The following RBFOX1 variants were observed in gnomAD, a reference collection of about 807,000 sequenced individuals.
RBFOX1 encodes the protein RNA binding fox-1 homolog 1.
A neutral mutation model predicts 57.7 loss-of-function variants in RBFOX1; 8 were observed. The ratio of observed to expected loss-of-function variants is 0.14; its 90% CI spans 0.08 to 0.25. The LOEUF (loss-of-function observed/expected upper bound fraction) is 0.25, where lower values mean the gene tolerates loss of function less well. RBFOX1 is among the 10% of genes least tolerant of loss of function. The pLI, the probability that RBFOX1 is intolerant of heterozygous loss-of-function variation, is 1.00. For missense variants in RBFOX1, 611 were observed against 548.5 expected, an observed-to-expected ratio of 1.11 and a Z score of -1.14; for synonymous variants, 326 against 222.4, an observed-to-expected ratio of 1.47 and a Z score of -4.15.
intron 1 of RBFOX1, among the ~76,000 whole-genome samples, chr16:5,446,423 C>G (rs957962913): frequency 6.6e-6 from 1 of 151,798 alleles, no homozygotes; most frequent in Non-Finnish European, 1.5e-5. Flanking sequence ...TTTTTTTGTC[C>G]TCAGTTTATC....
intron 4 of RBFOX1, among the ~76,000 whole-genome samples, chr16:7,148,476 G>A (rs17669916): frequency 0.15 from 22,212 of 152,056 alleles, 1,713 homozygotes; most frequent in East Asian, 0.26. Flanking sequence ...TCTCAACTTC[G>A]GATCTTTTTC....
intron 4 of RBFOX1, among the ~76,000 whole-genome samples, chr16:7,287,867 G>A (rs570928063): frequency 3.9e-5 from 6 of 152,218 alleles, no homozygotes; most frequent in East Asian, 3.9e-4. Context: ...CACCCATTTC[G>A]TGTGCATTTT....
At chr16:6,506,758 G>T (rs1353001630) in intron 2 of RBFOX1, among the ~76,000 whole-genome samples, 1 of 146,936 alleles carries the variant, frequency 6.8e-6, no homozygotes, top group African/African-American at 2.5e-5. Context: ...GTGATTCTCA[G>T]GCCTTACCCT....
chr16:6,647,200 T>C (rs2154079390), intron 2 of RBFOX1, among the ~76,000 whole-genome samples: 1 of 152,162 alleles, frequency 6.6e-6, no homozygotes, highest in African/African-American at 2.4e-5. Flanking sequence ...AGAAAATGAG[T>C]GAGCTCTCTG....
At chr16:7,065,813 C>G (rs920253891) in intron 4 of RBFOX1, among the ~76,000 whole-genome samples, 2 of 152,158 alleles carry the variant, frequency 1.3e-5, no homozygotes, top group African/African-American at 4.8e-5. Flanking sequence ...AATCCTCCAG[C>G]CTCCAAGCCT....
At chr16:5,398,123 A>T (rs1052278300) in intron 1 of RBFOX1, among the ~76,000 whole-genome samples, 2 of 152,220 alleles carry the variant, frequency 1.3e-5, no homozygotes, top group Non-Finnish European at 2.9e-5. Flanking sequence ...ACCATCAAGA[A>T]AGCCTTTCCT....
At chr16:6,797,913 C>G (rs1353576874) in intron 3 of RBFOX1, among the ~76,000 whole-genome samples, 1 of 152,080 alleles carries the variant, frequency 6.6e-6, no homozygotes, top group East Asian at 1.9e-4. Flanking sequence ...CTTAAACTTT[C>G]TGTGTCAGTA....
At chr16:7,588,772 A>G (rs933153327) in intron 7 of RBFOX1, among the ~76,000 whole-genome samples, 4 of 151,342 alleles carry the variant, frequency 2.6e-5, no homozygotes, top group African/African-American at 4.9e-5. Context: ...CAAACCTTTG[A>G]TTTTTTTTTC....
rs113869421 is a variant in RBFOX1, at chr16:6,131,597, G to A, written c.-127+111605G>A. Among the ~76,000 whole-genome samples, 150 of 152,256 alleles carry A rather than the reference G, an allele frequency of 9.9e-4. 1 individual carries two copies. Among genetic ancestry groups the A allele is most frequent in the African/African-American group, 3.4e-3 (142 of 41,558 alleles). The stretch of plus-strand genomic sequence containing the variant: ...GACTCTCAAGTTTATAAAACTGTGT[G>A]GACAGAAGTTGCGGAATTGCTCCTT... On this transcript the variant is annotated intron_variant, in intron 1 of 15. Transcript: ENST00000550418.
intron 4 of RBFOX1, among the ~76,000 whole-genome samples, chr16:7,157,115 G>A (rs2077310338): frequency 6.6e-6 from 1 of 152,152 alleles, no homozygotes; most frequent in Non-Finnish European, 1.5e-5. Context: ...TTGAGTGTGG[G>A]AGAAAGCAAT....
intron 4 of RBFOX1, among the ~76,000 whole-genome samples, chr16:5,956,384 A>G (rs960217819): frequency 3.9e-5 from 6 of 152,088 alleles, no homozygotes; most frequent in Admixed American, 3.9e-4. Context: ...TGACAGATTT[A>G]TATGAAAAAT....
chr16:5,908,323 C>CAT (rs201888893), intron 4 of RBFOX1, among the ~76,000 whole-genome samples: 3,694 of 138,406 alleles, frequency 0.027, 207 homozygotes, highest in African/African-American at 0.1. Flanking sequence ...TACACACACA[C>CAT]ATATATATAT....
intron 1 of RBFOX1, among the ~76,000 whole-genome samples, chr16:5,455,377 C>G (rs909039287): frequency 6.6e-6 from 1 of 152,070 alleles, no homozygotes; most frequent in Non-Finnish European, 1.5e-5. Context: ...CGCCTAGTAT[C>G]ACTTATGCCA....
At chr16:7,489,488 A>T (rs1416618791) in intron 4 of RBFOX1, among the ~76,000 whole-genome samples, 1 of 148,356 alleles carries the variant, frequency 6.7e-6, no homozygotes, top group Non-Finnish European at 1.5e-5. Flanking sequence ...TAAAAAACTG[A>T]GGCTTGGAGA....
chr16:6,933,258 A>C (rs2076847002), intron 3 of RBFOX1, among the ~76,000 whole-genome samples: 1 of 152,230 alleles, frequency 6.6e-6, no homozygotes, highest in Non-Finnish European at 1.5e-5. Flanking sequence ...GTATAGCTGC[A>C]AGTGAAATTG....
intron 4 of RBFOX1, among the ~76,000 whole-genome samples, chr16:7,153,153 C>A (rs1185388854): frequency 3.3e-5 from 5 of 151,856 alleles, no homozygotes; most frequent in African/African-American, 1.2e-4. Context: ...TCCTCCTTTC[C>A]TCCTGTTATG....
chr16:6,553,360 G>A (rs1199667914), intron 2 of RBFOX1, among the ~76,000 whole-genome samples: 1 of 152,158 alleles, frequency 6.6e-6, no homozygotes. Flanking sequence ...GATAATGTGT[G>A]GAGTGTATAG....
chr16:7,510,764 C>T (rs1399613078), intron 4 of RBFOX1, among the ~76,000 whole-genome samples: 1 of 152,182 alleles, frequency 6.6e-6, no homozygotes, highest in East Asian at 1.9e-4. Flanking sequence ...AGACTGAAAA[C>T]TGCAAGCAAC....
rs564652226 is a variant in RBFOX1, at chr16:7,307,358, A to G, written c.28-210789A>G. On this transcript the variant is annotated intron_variant, in intron 4 of 15. Transcript: ENST00000550418. ...CTAAATTCTCACAGATTTATCCATA[A>G]GACAACTCATAAAAACAAAAATCAA... Among the ~76,000 whole-genome samples the G allele has an allele frequency of 8.5e-5, 13 of 152,346 alleles. No homozygotes were observed. In the East Asian group the frequency reaches 2.5e-3, roughly 29 times the overall value.
Sources: allele counts gnomAD v4.1 joint callset (sites outside exome capture counted in the v4.1 genomes callset), GRCh38; gene constraint gnomAD v4.1.1; transcripts MANE v1.5; gene names NCBI Gene and HGNC (gene_info 2026-07-23, HGNC 2026-07-21).